CHI3L2: variants seen among roughly 807,000 people sequenced by gnomAD.
CHI3L2 encodes chitinase-3-like protein 2.
In CHI3L2, 47 loss-of-function variants were observed where a neutral mutation model predicts 47.3. The observed-to-expected ratio is 0.99, with a 90% confidence interval of 0.79 to 1.27. CHI3L2 has a LOEUF of 1.27. Among genes scored for constraint, CHI3L2 ranks in the 50% most tolerant of loss-of-function variants. The pLI is 0.00. For missense variants in CHI3L2, 497 were observed against 462.1 expected, an observed-to-expected ratio of 1.08 and a Z score of -0.69; for synonymous variants, 198 against 169.9, an observed-to-expected ratio of 1.17 and a Z score of -1.28.
rs1413928360 is a variant in CHI3L2 at position 111,238,879 on chromosome 1, C to T, written c.865C>T (p.Pro289Ser). The change falls in exon 8 of 11, where the codon CCT (proline) becomes TCT (serine). Residue 289 changes from proline to serine, a missense_variant. By Grantham distance (74) the Pro-to-Ser change is moderately conservative. Transcript: ENST00000369748. ...CACCGTGGGGGCCCCTGCCTCTGGC[C>T]CTGGAGCTGCTGGACCCATCACAGA... ...ETTVGAPASG[P>S]GAAGPITESS... is the part of the protein sequence containing the mutation. The T allele has an allele frequency of 1.2e-6, 2 of 1,613,212 alleles. No individual in the cohort carries two copies. The highest frequency in any genetic ancestry group is 2.7e-5 in the African/African-American group (2 of 74,868).
intron 8 of CHI3L2, among the ~76,000 whole-genome samples, chr1:111,240,318 A>G (rs909154261): frequency 2.6e-5 from 4 of 152,208 alleles, no homozygotes; most frequent in Non-Finnish European, 5.9e-5. Context: ...CATCAATTCA[A>G]TTGGCAACAA....
intron 4 of CHI3L2, among the ~76,000 whole-genome samples, chr1:111,233,890 G>T (rs534711280): frequency 2.0e-4 from 31 of 152,260 alleles, no homozygotes; most frequent in Non-Finnish European, 2.8e-4. Context: ...CGGTGACCTT[G>T]CCCCCAACCC....
intron 10 of CHI3L2, 50 bp downstream of exon 10, chr1:111,242,416 G>A: frequency 1.3e-6 from 2 of 1,523,938 alleles, no homozygotes; most frequent in Non-Finnish European, 8.8e-7. Flanking sequence ...GGGCAGAACA[G>A]GGCACAGGAG....
chr1:111,235,043 A>T lies in CHI3L2; in HGVS notation c.466A>T (p.Thr156Ser). The change falls in exon 5 of 11, where the codon ACT becomes TCT. Residue 156 changes from threonine (T) to serine (S), a missense_variant. By Grantham distance (58) the Thr-to-Ser change is moderately conservative. Coordinates refer to ENST00000369748, the MANE Select transcript of CHI3L2 (RefSeq NM_004000.3). ...AGATCAGAAAGAAAACACTCATTTC[A>T]CTGTGCTGATTCATGTAAGTCATGA... ...YPDQKENTHFTVLIHELAEAF... is the reference protein window; with the variant it reads ...YPDQKENTHFSVLIHELAEAF... 1 of 1,613,976 alleles carries T rather than the reference A, an allele frequency of 6.2e-7. No homozygotes were observed. Among genetic ancestry groups the T allele is most frequent in the Non-Finnish European group, 8.5e-7 (1 of 1,180,004 alleles).
Position 111,243,367 on chromosome 1 carries a change from C to T in CHI3L2, c.*153C>T, listed in dbSNP as rs529033108. On this transcript the variant is annotated 3_prime_UTR_variant, in exon 11 of 11. Transcript: ENST00000369748. ...CTTCCTCTTAGATCATAGATTGGAC[C>T]TGGTTTTGTTTTCCTGCAGCTGTTG... 2 of 389,918 alleles carry T rather than the reference C, an allele frequency of 5.1e-6. No individual in the cohort carries two copies. The highest frequency in any genetic ancestry group is 1.5e-4 in the East Asian group (2 of 13,700). 24.2% of individuals were successfully genotyped at this position (389,918 alleles called of 1,614,324 possible). A position where few individuals can be genotyped will look rare whatever the true frequency, so the allele number is the denominator to read the frequency against.
rs565912188 is a variant in CHI3L2, at chr1:111,243,423, T to A, written c.*209T>A. On this transcript the variant is annotated 3_prime_UTR_variant, in exon 11 of 11. Transcript: ENST00000369748. ...TTGCCCTGAAGTACAATAAAAAAAA[T>A]TCATTTTGCTCCAGTAAGTATGGCC... is the stretch of plus-strand genomic sequence containing the variant. The A allele has an allele frequency of 1.1e-5, 4 of 359,522 alleles. No homozygotes were observed. Among genetic ancestry groups the A allele is most frequent in the African/African-American group, 2.1e-5 (1 of 46,900 alleles). The allele number at this position is 359,522 out of a possible 1,614,324, so 22.3% of individuals were successfully genotyped here.
chr1:111,230,637 G>C, intron 2 of CHI3L2, 105 bp from the exon 3 acceptor site: 1 of 930,270 alleles, frequency 1.1e-6, no homozygotes, highest in South Asian at 1.5e-5. Flanking sequence ...GGCTCTGGCA[G>C]AATGAGCAAA....
chr1:111,242,475 C>G, intron 10 of CHI3L2, 109 bp downstream of exon 10: 1 of 1,231,764 alleles, frequency 8.1e-7, no homozygotes, highest in Non-Finnish European at 1.1e-6. Flanking sequence ...TTCTCATGCT[C>G]CTTTGGCTCT....
At chr1:111,240,566 G>A (rs574333905) in intron 8 of CHI3L2, among the ~76,000 whole-genome samples, 3 of 152,274 alleles carry the variant, frequency 2.0e-5, no homozygotes, top group African/African-American at 7.2e-5. Context: ...AGTTCATAAT[G>A]ACTCTAGGTC....
chr1:111,241,073 G>A (rs537551737), intron 8 of CHI3L2, among the ~76,000 whole-genome samples: 1 of 152,286 alleles, frequency 6.6e-6, no homozygotes, highest in South Asian at 2.1e-4. Flanking sequence ...GTCTGATCTG[G>A]AACTCAAGTA....
Position 111,227,750 on chromosome 1 carries a change from C to T in CHI3L2, c.21C>T (p.Asp7=), listed in dbSNP as rs144697423. 4.3e-6 allele frequency: 7 copies of T among 1,614,128 alleles called. No individual in the cohort carries two copies. The highest frequency in any genetic ancestry group is 4.2e-6 in the Non-Finnish European group (5 of 1,180,014). The change falls in exon 1 of 11, where the codon GAC becomes GAT. Residue 7 remains aspartate (D), a synonymous_variant. Transcript: ENST00000369748. The part of the protein sequence containing the change: MGATTM[D]QKSLWAGVVV... ...AGGATATGGGAGCAACCACCATGGA[C>T]CAGAAGTCTCTCTGGGCAGGTGAGC...
intron 8 of CHI3L2, among the ~76,000 whole-genome samples, chr1:111,239,990 T>C (rs180788490): frequency 6.6e-6 from 1 of 152,318 alleles, no homozygotes; most frequent in East Asian, 1.9e-4. Flanking sequence ...CAGAGAGGTA[T>C]TGTAAAACAA....
At chr1:111,242,899 C>G (rs77094042) in intron 10 of CHI3L2, among the ~76,000 whole-genome samples, 12 of 152,188 alleles carry the variant, frequency 7.9e-5, no homozygotes, top group East Asian at 1.9e-4. Context: ...TGCTGCTGCT[C>G]CATCCCTGGG....
intron 7 of CHI3L2, among the ~76,000 whole-genome samples, chr1:111,236,844 G>A (rs534250229): frequency 6.6e-6 from 1 of 152,274 alleles, no homozygotes; most frequent in East Asian, 1.9e-4. Context: ...GAAATTCAGG[G>A]ATCAGGGTTT....
intron 4 of CHI3L2, chr1:111,231,570 A>T: frequency 3.1e-6 from 1 of 322,112 alleles, no homozygotes; most frequent in Non-Finnish European, 5.6e-6. Flanking sequence ...TGAATTATTT[A>T]CATGAATGTT....
intron 7 of CHI3L2, among the ~76,000 whole-genome samples, chr1:111,236,571 G>A (rs1250435443): frequency 6.6e-6 from 1 of 152,102 alleles, no homozygotes; most frequent in African/African-American, 2.4e-5. Context: ...CCACTTCACA[G>A]ATGATGAAAC....
rs1009379355 is a variant in CHI3L2, at chr1:111,231,930, A to G, written c.329+636A>G. On this transcript the variant is annotated intron_variant, in intron 4 of 10. Transcript: ENST00000369748. ...ATGAAAATACATAAGGATAAATATC[A>G]CATTTTTTCAATCTTCAGCTACAGT... 6.6e-5 allele frequency among the ~76,000 whole-genome samples: 10 copies of G among 152,386 alleles called. No homozygotes were observed. In the South Asian group the frequency reaches 1.4e-3, roughly 22 times the overall value.
chr1:111,238,775 A>G lies in CHI3L2; in HGVS notation c.761A>G (p.His254Arg), dbSNP rs143981389. 1 of 1,614,044 alleles carries G rather than the reference A, an allele frequency of 6.2e-7. No homozygotes were observed. The highest frequency in any genetic ancestry group is 8.5e-7 in the Non-Finnish European group (1 of 1,179,954). The change falls in exon 8 of 11, where the codon CAT becomes CGT. Residue 254 changes from histidine (H) to arginine (R), a missense_variant. Transcript: ENST00000369748. The stretch of plus-strand genomic sequence containing the variant: ...GAATATGCTGTGGGGTACTGGATAC[A>G]TAAGGGAATGCCATCAGAGAAGGTG... ...NVEYAVGYWIHKGMPSEKVVM... is the reference protein window; with the variant it reads ...NVEYAVGYWIRKGMPSEKVVM...
In CHI3L2 at chr1:111,236,158, G is replaced by A. The variant is rs749449272; in HGVS notation, c.735+5G>A. The A allele has an allele frequency of 1.2e-6, 2 of 1,614,096 alleles. No individual in the cohort carries two copies. Among genetic ancestry groups the A allele is most frequent in the South Asian group, 1.1e-5 (1 of 91,064 alleles). On this transcript the variant is annotated splice_donor_5th_base_variant and intron_variant, in intron 7 of 10. Coordinates refer to ENST00000369748, the MANE Select transcript of CHI3L2 (RefSeq NM_004000.3). ...CCAAGCTCCTACTACAATGTGGTGA[G>A]TAGGCCAGGGGAACCGCAGGGGTAC...
Sources: allele counts gnomAD v4.1 joint callset (sites outside exome capture counted in the v4.1 genomes callset), GRCh38; gene constraint gnomAD v4.1.1; transcripts MANE v1.5; gene names NCBI Gene and HGNC (gene_info 2026-07-23, HGNC 2026-07-21).